Variants in EXOC2 observed in about 807,000 individuals in gnomAD.
EXOC2 encodes the protein exocyst complex component 2, also known as SEC5-like 1.
Under a neutral mutation model 131.8 loss-of-function variants are expected in EXOC2, and 70 were observed. The ratio of observed to expected loss-of-function variants is 0.53; its 90% confidence interval spans 0.44 to 0.65. The LOEUF (loss-of-function observed/expected upper bound fraction) is 0.65, where lower values mean the gene tolerates loss of function less well. Ranked by LOEUF, EXOC2 falls within the 30% of genes least tolerant of loss-of-function variation. The pLI is 0.00. For synonymous variants in EXOC2, 411 were observed against 398.4 expected (o/e 1.03, Z -0.38); for missense variants, 923 against 1,108.6 (o/e 0.83, Z 2.38).
rs192310631 is a variant in EXOC2 at position 506,239 on chromosome 6, T to G, written c.2381-6539A>C. Among the ~76,000 whole-genome samples, 24 of 152,372 alleles carry G rather than the reference T, an allele frequency of 1.6e-4. No homozygotes were observed. The highest frequency in any genetic ancestry group is 5.8e-4 in the African/African-American group (24 of 41,594). ...TGAAATAATGTCATTAGGTATTTGC[T>G]GAATGCTCCGCACGTGCTGGATATT... On this transcript the variant is annotated intron_variant, in intron 23 of 27. Transcript: ENST00000230449. The surrounding 1 kb of genome is among the most constrained non-coding windows in gnomAD (Gnocchi z 4.4).
At chr6:500,733 TCTC>T (rs1342016619) in intron 23 of EXOC2, among the ~76,000 whole-genome samples, 6 of 152,064 alleles carry the variant, frequency 3.9e-5, no homozygotes, top group African/African-American at 1.2e-4. Flanking sequence ...ACTGAGAACA[TCTC>T]CTCTATAGAA....
intron 1 of EXOC2, among the ~76,000 whole-genome samples, chr6:683,802 G>C (rs1042326928): frequency 6.6e-6 from 1 of 152,150 alleles, no homozygotes; most frequent in Non-Finnish European, 1.5e-5. Context: ...CATAAATCTT[G>C]ACATAGTGAA....
intron 6 of EXOC2, 123 bp downstream of exon 6, chr6:617,588 G>A (rs1358467583): frequency 7.7e-7 from 1 of 1,292,186 alleles, no homozygotes; most frequent in Non-Finnish European, 1.0e-6. Context: ...AATATTTATA[G>A]CACATTTGAG....
chr6:541,018 GGTA>G (rs1766783758), intron 22 of EXOC2, among the ~76,000 whole-genome samples: 1 of 152,198 alleles, frequency 6.6e-6, no homozygotes, highest in Admixed American at 6.5e-5. Flanking sequence ...TGTGGAATGT[GGTA>G]TCCAAAACGT....
intron 10 of EXOC2, among the ~76,000 whole-genome samples, chr6:596,025 T>C (rs1350772089): frequency 1.3e-5 from 2 of 152,108 alleles, no homozygotes; most frequent in Non-Finnish European, 2.9e-5. Context: ...GGTCACTGTG[T>C]GTGCTGGGCA....
chr6:605,613 C>T (rs1760365433), intron 7 of EXOC2, among the ~76,000 whole-genome samples: 1 of 152,110 alleles, frequency 6.6e-6, no homozygotes, highest in South Asian at 2.1e-4. Flanking sequence ...ATTAGTCTTG[C>T]TAGCGGTTTA....
intron 1 of EXOC2, among the ~76,000 whole-genome samples, chr6:681,712 T>A (rs1201663915): frequency 6.6e-6 from 1 of 152,212 alleles, no homozygotes; most frequent in Non-Finnish European, 1.5e-5. Context: ...TCAGTTCTAA[T>A]GAAAAGTGCA....
chr6:590,956 C>T (rs1038870684), intron 11 of EXOC2, among the ~76,000 whole-genome samples: 1 of 152,218 alleles, frequency 6.6e-6, no homozygotes, highest in Non-Finnish European at 1.5e-5. Context: ...GAGGCGGAAT[C>T]ACTTTTCTCC....
chr6:512,321 T>C (rs554955661), intron 23 of EXOC2, among the ~76,000 whole-genome samples: 31 of 152,322 alleles, frequency 2.0e-4, no homozygotes, highest in African/African-American at 7.2e-4. Flanking sequence ...CCAGCTCCGA[T>C]CCTCCTCTTC....
intron 17 of EXOC2, among the ~76,000 whole-genome samples, chr6:559,679 G>C (rs944021313): frequency 6.6e-6 from 1 of 152,222 alleles, no homozygotes; most frequent in Non-Finnish European, 1.5e-5. Flanking sequence ...AGAAGCTTCT[G>C]AAGTAACTAT....
chr6:577,812 C>T (rs976209753), intron 11 of EXOC2, among the ~76,000 whole-genome samples: 1 of 152,152 alleles, frequency 6.6e-6, no homozygotes, highest in Non-Finnish European at 1.5e-5. Flanking sequence ...ACTGGAAAGG[C>T]CTCACTCAGT....
At chr6:642,236 C>T (rs1762388729) in intron 1 of EXOC2, among the ~76,000 whole-genome samples, 2 of 152,200 alleles carry the variant, frequency 1.3e-5, no homozygotes, top group Non-Finnish European at 2.9e-5. Context: ...TAAACTTCTA[C>T]TACATAATGT....
At chr6:653,043 TC>T (rs1405236717) in intron 1 of EXOC2, among the ~76,000 whole-genome samples, 1 of 152,200 alleles carries the variant, frequency 6.6e-6, no homozygotes, top group African/African-American at 2.4e-5. Flanking sequence ...TTGTAACTGT[TC>T]CGGGGCACCA....
chr6:615,724 GAAAAAAAAAAAA>G (rs199694152), intron 6 of EXOC2, among the ~76,000 whole-genome samples: 4 of 101,922 alleles, frequency 3.9e-5, no homozygotes, highest in Non-Finnish European at 8.6e-5. Flanking sequence ...CATCTCAAAA[GAAAAAAAAAAAA>G]AAAGAAAAAC....
At chr6:656,418 C>A in intron 1 of EXOC2, 1 of 1,614,034 alleles carries the variant, frequency 6.2e-7, no homozygotes, top group East Asian at 2.2e-5. Flanking sequence ...CACGTGACTG[C>A]CCACGTTCGC....
intron 1 of EXOC2, among the ~76,000 whole-genome samples, chr6:642,556 G>C (rs983495891): frequency 6.6e-6 from 1 of 152,036 alleles, no homozygotes; most frequent in Non-Finnish European, 1.5e-5. Context: ...AACCGAAATG[G>C]ACCCCAAGAT....
At chr6:605,747 T>C (rs1053444727) in intron 7 of EXOC2, among the ~76,000 whole-genome samples, 1 of 152,220 alleles carries the variant, frequency 6.6e-6, no homozygotes, top group Non-Finnish European at 1.5e-5. Context: ...CTGCTCGCTT[T>C]TGAATGTGTT....
intron 12 of EXOC2, among the ~76,000 whole-genome samples, chr6:575,478 C>CGCTCCCTCTCCATCCTCTCCCTT (rs748980928): frequency 4.0e-5 from 6 of 151,230 alleles, no homozygotes; most frequent in Non-Finnish European, 7.4e-5. Flanking sequence ...TCCTCTCCCT[C>CGCTCCCTCTCCATCCTCTCCCTT]GCTCCCTCTC....
chr6:640,149 T>C (rs1762289033), intron 1 of EXOC2, among the ~76,000 whole-genome samples: 1 of 152,230 alleles, frequency 6.6e-6, no homozygotes, highest in South Asian at 2.1e-4. Flanking sequence ...TAATCTTCTC[T>C]GATTAATGAA....
Sources: allele counts gnomAD v4.1 joint callset (sites outside exome capture counted in the v4.1 genomes callset), GRCh38; gene constraint gnomAD v4.1.1; non-coding constraint Gnocchi (gnomAD v3.1); transcripts MANE v1.5; gene names NCBI Gene and HGNC (gene_info 2026-07-23, HGNC 2026-07-21).